TMEM132D: variants seen among roughly 807,000 people sequenced by gnomAD.
TMEM132D encodes transmembrane protein 132D, also known as mature OL transmembrane protein.
In TMEM132D, 21 loss-of-function variants were observed where a neutral mutation model predicts 62.3. That is an observed-to-expected ratio of 0.34 (90% CI 0.24 to 0.49). The LOEUF (loss-of-function observed/expected upper bound fraction) is 0.49, where lower values mean the gene tolerates loss of function less well. Ranked by LOEUF, TMEM132D falls within the 20% of genes least tolerant of loss-of-function variation. The pLI is 0.99. For missense variants in TMEM132D, 1,346 were observed against 1,402.8 expected, an observed-to-expected ratio of 0.96 and a Z score of 0.65; for synonymous variants, 621 against 575.6, an observed-to-expected ratio of 1.08 and a Z score of -1.13.
intron 3 of TMEM132D, among the ~76,000 whole-genome samples, chr12:129,426,166 T>C (rs1376746131): frequency 6.6e-6 from 1 of 152,192 alleles, no homozygotes; most frequent in Non-Finnish European, 1.5e-5. Flanking sequence ...TCCTTCTCTC[T>C]TCATGTCCTG....
chr12:129,682,918 T>A (rs1192750144), intron 2 of TMEM132D: 1 of 147,572 alleles, frequency 6.8e-6, no homozygotes. Context: ...AGATACAACT[T>A]CACTTGATCC....
intron 5 of TMEM132D, among the ~76,000 whole-genome samples, chr12:129,098,292 G>T (rs933859382): frequency 6.6e-6 from 1 of 152,172 alleles, no homozygotes; most frequent in Admixed American, 6.5e-5. Context: ...GCAACTCAAT[G>T]AAACCAAAGT....
In TMEM132D at chr12:129,700,661, C is replaced by T. The variant is rs780057561; in HGVS notation, c.117G>A (p.Arg39=). Residue 39 remains arginine, a synonymous_variant, in exon 2 of 9, where the codon AGG becomes AGA. Transcript: ENST00000422113. The part of the protein sequence containing the change: ...EGRGILESIQ[R]FSLLPTYLPV... ...GGAGGTAGGTGGGCAGCAAGGAAAA[C>T]CTCTGGATGCTCTCAAGGATCCCTC... 1.5e-5 allele frequency: 24 copies of T among 1,613,336 alleles called. No individual in the cohort carries two copies. In the East Asian group the frequency reaches 5.1e-4, roughly 34 times the overall value.
At chr12:129,341,022 C>T (rs779966885) in intron 3 of TMEM132D, among the ~76,000 whole-genome samples, 2 of 152,168 alleles carry the variant, frequency 1.3e-5, no homozygotes, top group African/African-American at 2.4e-5. Context: ...ACATGGTGAT[C>T]TCGTTGGAAT....
In TMEM132D at chr12:129,453,286, G is replaced by A. The variant is rs187685209; in HGVS notation, c.1115+77773C>T. Among the ~76,000 whole-genome samples the A allele has an allele frequency of 2.1e-3, 325 of 152,270 alleles. 3 individuals are homozygous for A. Among genetic ancestry groups the A allele is most frequent in the African/African-American group, 7.5e-3 (311 of 41,568 alleles). ...ATCTAAGAAGGCGTGCCTACTAAAC[G>A]AAGCCCATATCTGCTGGCTTTTGCA... On this transcript the variant is annotated intron_variant, in intron 3 of 8. Transcript: ENST00000422113.
At chr12:129,383,976 G>C (rs1191244641) in intron 3 of TMEM132D, among the ~76,000 whole-genome samples, 1 of 152,220 alleles carries the variant, frequency 6.6e-6, no homozygotes, top group African/African-American at 2.4e-5. Flanking sequence ...AGTATCCTCT[G>C]CCTCCCGAAA....
intron 2 of TMEM132D, among the ~76,000 whole-genome samples, chr12:129,669,363 G>T (rs4759992): frequency 0.76 from 115,393 of 151,996 alleles, 44,238 homozygotes; most frequent in East Asian, 0.85. Flanking sequence ...TAAATTCTTT[G>T]TGGGTTAGAA....
At chr12:129,241,915 G>A (rs1879948555) in intron 4 of TMEM132D, among the ~76,000 whole-genome samples, 1 of 152,188 alleles carries the variant, frequency 6.6e-6, no homozygotes. Flanking sequence ...GTGCATGAAA[G>A]GGAGACAAAA....
At chr12:129,410,526 ATT>A (rs1033547570) in intron 3 of TMEM132D, among the ~76,000 whole-genome samples, 16 of 151,278 alleles carry the variant, frequency 1.1e-4, no homozygotes, top group Admixed American at 9.2e-4. Context: ...AACCCAGCTA[ATT>A]TTTGTATTTT....
At chr12:129,889,239 A>G (rs1315496414) in intron 1 of TMEM132D, among the ~76,000 whole-genome samples, 1 of 152,020 alleles carries the variant, frequency 6.6e-6, no homozygotes, top group Non-Finnish European at 1.5e-5. Flanking sequence ...TCTCCTTTTG[A>G]CTGGTAGTGT....
chr12:129,429,458 GC>G (rs929565665), intron 3 of TMEM132D, among the ~76,000 whole-genome samples: 20 of 151,988 alleles, frequency 1.3e-4, no homozygotes, highest in African/African-American at 4.6e-4. Context: ...CAAAGAAGAG[GC>G]CCCCCCAGGG....
At chr12:129,715,390 G>C (rs1196585700) in intron 1 of TMEM132D, among the ~76,000 whole-genome samples, 1 of 152,218 alleles carries the variant, frequency 6.6e-6, no homozygotes, top group Admixed American at 6.5e-5. Flanking sequence ...TTCACGGGTG[G>C]TTCAGAGGAG....
At chr12:129,271,200 A>ACTAGCATTGAGATAC (rs1381392985) in intron 4 of TMEM132D, among the ~76,000 whole-genome samples, 1 of 149,246 alleles carries the variant, frequency 6.7e-6, no homozygotes, top group African/African-American at 2.6e-5. Flanking sequence ...TGTTAGGAAA[A>ACTAGCATTGAGATAC]AAAATAAGAC....
At chr12:129,514,004 A>AT (rs529093747) in intron 3 of TMEM132D, among the ~76,000 whole-genome samples, 1,534 of 147,764 alleles carry the variant, frequency 0.01, 43 homozygotes, top group South Asian at 0.1. Context: ...CGCCTGGCTA[A>AT]TTTTTTTTGT....
At chr12:129,583,658 C>A (rs182943130) in intron 2 of TMEM132D, among the ~76,000 whole-genome samples, 17 of 152,202 alleles carry the variant, frequency 1.1e-4, no homozygotes, top group Admixed American at 1.1e-3. Flanking sequence ...AAATAACCTG[C>A]GCTATGAGGA....
At chr12:129,743,623 A>G (rs898094803) in intron 1 of TMEM132D, among the ~76,000 whole-genome samples, 1 of 108,308 alleles carries the variant, frequency 9.2e-6, no homozygotes. Context: ...CCCTACAACC[A>G]AAAAAATATG....
chr12:129,605,118 T>C (rs1320767349), intron 2 of TMEM132D, among the ~76,000 whole-genome samples: 1 of 152,196 alleles, frequency 6.6e-6, no homozygotes, highest in Non-Finnish European at 1.5e-5. Flanking sequence ...GGCTCATTTT[T>C]AAATGTTCTC....
chr12:129,456,781 G>A (rs183134429), intron 3 of TMEM132D, among the ~76,000 whole-genome samples: 9 of 152,162 alleles, frequency 5.9e-5, no homozygotes, highest in Non-Finnish European at 8.8e-5. Flanking sequence ...TGCATCTCTC[G>A]GGTTCCTGGT....
intron 5 of TMEM132D, among the ~76,000 whole-genome samples, chr12:129,103,678 T>C (rs1447682150): frequency 6.6e-6 from 1 of 152,224 alleles, no homozygotes; most frequent in Non-Finnish European, 1.5e-5. Context: ...CCACCACGCC[T>C]GGCCTAGGTA....
Sources: allele counts gnomAD v4.1 joint callset (sites outside exome capture counted in the v4.1 genomes callset), GRCh38; gene constraint gnomAD v4.1.1; transcripts MANE v1.5; gene names NCBI Gene and HGNC (gene_info 2026-07-23, HGNC 2026-07-21).